RAP1B: variants seen among roughly 807,000 people sequenced by gnomAD.
The protein encoded by RAP1B is ras-related protein Rap-1b.
RAP1B carries 1 observed loss-of-function variant against 27.5 expected under a neutral mutation model. The ratio of observed to expected loss-of-function variants is 0.04; its 90% CI spans 0.01 to 0.17. RAP1B has a LOEUF of 0.17. Ranked by LOEUF, RAP1B falls within the 10% of genes least tolerant of loss-of-function variation. The pLI is 1.00. For missense variants in RAP1B, 84 were observed against 214.8 expected (o/e 0.39, Z 3.81); for synonymous variants, 75 against 73.1 (o/e 1.03, Z -0.13).
intron 1 of RAP1B, among the ~76,000 whole-genome samples, chr12:68,632,558 T>C (rs185708221): frequency 6.6e-6 from 1 of 152,162 alleles, no homozygotes; most frequent in East Asian, 1.9e-4. Context: ...GGCCAAAATG[T>C]GGGAAAATTT....
At chr12:68,641,792 TA>T (rs35769842) in intron 1 of RAP1B, among the ~76,000 whole-genome samples, 14,260 of 146,058 alleles carry the variant, frequency 0.098, 1,009 homozygotes, top group African/African-American at 0.21. Context: ...GAATCAAAGG[TA>T]AAAAAAAAAA....
At chr12:68,635,935 G>A (rs1025837614) in intron 1 of RAP1B, among the ~76,000 whole-genome samples, 13 of 152,034 alleles carry the variant, frequency 8.6e-5, no homozygotes, top group Admixed American at 6.6e-4. Flanking sequence ...CTTGAGTGCA[G>A]TGGCAAAATC....
chr12:68,652,614 A>G (rs112102048), intron 4 of RAP1B, among the ~76,000 whole-genome samples: 164 of 152,234 alleles, frequency 1.1e-3, no homozygotes, highest in African/African-American at 3.7e-3. Context: ...GAGGAGTTCA[A>G]GGCCAGCCTG....
chr12:68,627,666 A>G (rs542188762), intron 1 of RAP1B, among the ~76,000 whole-genome samples: 61 of 152,308 alleles, frequency 4.0e-4, no homozygotes, highest in Admixed American at 1.4e-3. Flanking sequence ...ACTACATCTA[A>G]CAGAAACATA....
chr12:68,610,992 G>A lies in RAP1B; in HGVS notation c.-78G>A. 1 of 321,106 alleles carries A rather than the reference G, an allele frequency of 3.1e-6. No individual in the cohort carries two copies. Among genetic ancestry groups the A allele is most frequent in the Non-Finnish European group, 5.7e-6 (1 of 175,658 alleles). 19.9% of individuals were successfully genotyped at this position (321,106 alleles called of 1,614,324 possible). On this transcript the variant is annotated 5_prime_UTR_variant, in exon 1 of 8. Transcript: ENST00000250559. ...GCCGTGGCGCCTAGAGTAGCGACCC[G>A]GGGGGAGCGCGGGGCGACGCTGGCT...
intron 1 of RAP1B, among the ~76,000 whole-genome samples, chr12:68,643,906 A>T (rs754017883): frequency 3.3e-5 from 5 of 152,086 alleles, no homozygotes; most frequent in Non-Finnish European, 5.9e-5. Context: ...AAAATTCCCT[A>T]TCCCCCCACC....
chr12:68,648,671 ATTC>A (rs764048491), intron 1 of RAP1B, 25 bp from the exon 2 acceptor site: 5 of 1,436,898 alleles, frequency 3.5e-6, no homozygotes, highest in Non-Finnish European at 3.9e-6. Flanking sequence ...TTTACTTAGA[ATTC>A]TTTTTTTTTT....
intron 1 of RAP1B, among the ~76,000 whole-genome samples, chr12:68,613,971 G>GT (rs1870801032): frequency 6.6e-6 from 1 of 152,198 alleles, no homozygotes; most frequent in Non-Finnish European, 1.5e-5. Context: ...GAGCTACCAT[G>GT]TAAGGAGGGT....
chr12:68,663,777 T>TAGGCCTAAGGATGTAGCAG lies in RAP1B; in HGVS notation c.*4528_*4529insAGGCCTAAGGATGTAGCAG. 1 of 152,314 alleles carries TAGGCCTAAGGATGTAGCAG rather than the reference T, an allele frequency of 6.6e-6. No individual in the cohort carries two copies. Among genetic ancestry groups the TAGGCCTAAGGATGTAGCAG allele is most frequent in the East Asian group, 1.9e-4 (1 of 5,182 alleles). 9.4% of individuals were successfully genotyped at this position (152,314 alleles called of 1,614,324 possible). On this transcript the variant is annotated 3_prime_UTR_variant, in exon 8 of 8. Transcript: ENST00000250559. ...GAATCAATAAATGCATTCAGTATTC[T>TAGGCCTAAGGATGTAGCAG]CTACCGTGTTTCAGGCGCTGTTTAC...
intron 4 of RAP1B, among the ~76,000 whole-genome samples, chr12:68,652,948 C>G (rs1225026391): frequency 6.6e-6 from 1 of 151,886 alleles, no homozygotes; most frequent in African/African-American, 2.4e-5. Context: ...ATGGCTCATG[C>G]CTTGTAATCC....
At chr12:68,642,572 G>A (rs533355667) in intron 1 of RAP1B, 9 of 1,083,838 alleles carry the variant, frequency 8.3e-6, no homozygotes, top group Non-Finnish European at 1.3e-5. Flanking sequence ...GTCTAATTTG[G>A]TTTCTGGGAA....
intron 1 of RAP1B, chr12:68,643,023 C>G: frequency 1.3e-6 from 1 of 770,984 alleles, no homozygotes; most frequent in South Asian, 1.4e-5. Context: ...CCTGGCTGCC[C>G]ACGGTCCACT....
chr12:68,656,503 TGAATG>T, intron 6 of RAP1B, 54 bp downstream of exon 6: 1 of 1,538,610 alleles, frequency 6.5e-7, no homozygotes, highest in Non-Finnish European at 9.0e-7. Flanking sequence ...ACATTGAAGA[TGAATG>T]GAAAATGTCT....
intron 6 of RAP1B, 132 bp downstream of exon 6, chr12:68,656,581 C>A: frequency 1.2e-6 from 1 of 845,494 alleles, no homozygotes. Flanking sequence ...AAAAAAAACC[C>A]TCATGTTAAA....
At chr12:68,648,660 C>A in intron 1 of RAP1B, 39 bp from the exon 2 acceptor site, 1 of 1,460,612 alleles carries the variant, frequency 6.8e-7, no homozygotes, top group Non-Finnish European at 9.4e-7. Flanking sequence ...GAATACACAA[C>A]TTTACTTAGA....
chr12:68,656,081 A>G (rs55787903), intron 5 of RAP1B, among the ~76,000 whole-genome samples: 1 of 152,208 alleles, frequency 6.6e-6, no homozygotes, highest in Non-Finnish European at 1.5e-5. Context: ...TATCGTTTGC[A>G]TCTCCATGAA....
intron 1 of RAP1B, among the ~76,000 whole-genome samples, chr12:68,613,699 G>A (rs1324385296): frequency 6.6e-6 from 1 of 151,996 alleles, no homozygotes; most frequent in Non-Finnish European, 1.5e-5. Context: ...TCTTCCTAGC[G>A]CGTTGCCTGG....
At chr12:68,632,136 T>TG (rs1263481872) in intron 1 of RAP1B, among the ~76,000 whole-genome samples, 2 of 134,168 alleles carry the variant, frequency 1.5e-5, no homozygotes, top group African/African-American at 3.4e-5. Flanking sequence ...TTTGTTTTTT[T>TG]TTTTTTTTTG....
chr12:68,647,367 T>C (rs1369692510), intron 1 of RAP1B, among the ~76,000 whole-genome samples: 5 of 59,042 alleles, frequency 8.5e-5, no homozygotes, highest in Non-Finnish European at 1.6e-4. Flanking sequence ...GCCCTGTCCC[T>C]GCCCCCCACT....
Sources: gnomAD v4.1 joint callset for allele counts (sites outside exome capture counted in the v4.1 genomes callset) on GRCh38, gnomAD v4.1.1 for gene constraint, MANE v1.5 for transcripts, NCBI Gene and HGNC (gene_info 2026-07-23, HGNC 2026-07-21) for gene names.